The following LRRC8B variants were observed in gnomAD, a reference collection of about 807,000 sequenced individuals.
LRRC8B encodes the protein leucine rich repeat containing 8 VRAC subunit B.
LRRC8B carries 23 observed loss-of-function variants against 58.8 expected under a neutral mutation model. The ratio of observed to expected loss-of-function variants is 0.39; its 90% CI spans 0.28 to 0.55. The LOEUF is 0.55. Among genes scored for constraint, LRRC8B ranks in the 20% least tolerant of loss-of-function variants. The pLI is 0.62. For synonymous variants in LRRC8B, 359 were observed against 374.1 expected, an observed-to-expected ratio of 0.96 and a Z score of 0.47; for missense variants, 694 against 936.0, an observed-to-expected ratio of 0.74 and a Z score of 3.37.
chr1:89,571,242 TG>T (rs1653453583), intron 3 of LRRC8B, among the ~76,000 whole-genome samples: 1 of 152,214 alleles, frequency 6.6e-6, no homozygotes. Flanking sequence ...TTTCTAGTTC[TG>T]TGAAGAATTT....
intron 1 of LRRC8B, among the ~76,000 whole-genome samples, chr1:89,530,591 A>G (rs1341890124): frequency 6.6e-6 from 1 of 152,188 alleles, no homozygotes; most frequent in African/African-American, 2.4e-5. Flanking sequence ...CATCATCCTT[A>G]GCAAATGGAA....
At chr1:89,577,894 T>A (rs1042080221) in intron 3 of LRRC8B, among the ~76,000 whole-genome samples, 12 of 152,188 alleles carry the variant, frequency 7.9e-5, no homozygotes, top group Non-Finnish European at 1.5e-4. Flanking sequence ...CTAATTAGCT[T>A]TTTCTTCAGC....
chr1:89,576,806 A>G (rs907354351), intron 3 of LRRC8B, among the ~76,000 whole-genome samples: 1 of 152,230 alleles, frequency 6.6e-6, no homozygotes, highest in Non-Finnish European at 1.5e-5. Context: ...TGAAAGAACT[A>G]CAAAGGGACA....
chr1:89,593,003 C>T lies in LRRC8B; in HGVS notation c.2372C>T (p.Pro791Leu). 6.2e-7 allele frequency: 1 copy of T among 1,614,146 alleles called. No individual in the cohort carries two copies. Among genetic ancestry groups the T allele is most frequent in the Non-Finnish European group, 8.5e-7 (1 of 1,179,990 alleles). ...AACTTGCTCAATACTCTTCCTCTCC[C>T]TGTAACAGAACGTTTACAGACGTGC... ...EENLLNTLPLPVTERLQTCLD... is the reference protein window; with the variant it reads ...EENLLNTLPLLVTERLQTCLD... The change falls in exon 6 of 6, where the codon CCT becomes CTT. Residue 791 changes from proline (P) to leucine (L), a missense_variant. Pro to Leu is a moderately conservative substitution (Grantham distance 98, BLOSUM62 -3). Coordinates refer to ENST00000330947, the MANE Select transcript of LRRC8B (RefSeq NM_001369817.2).
At chr1:89,566,486 C>T (rs1193551364) in intron 1 of LRRC8B, among the ~76,000 whole-genome samples, 1 of 152,130 alleles carries the variant, frequency 6.6e-6, no homozygotes, top group Non-Finnish European at 1.5e-5. Context: ...TATGATATTC[C>T]AGTGATTCCT....
chr1:89,565,818 G>A (rs1653002335), intron 1 of LRRC8B, among the ~76,000 whole-genome samples: 2 of 152,156 alleles, frequency 1.3e-5, no homozygotes. Context: ...CTAAGGATTT[G>A]ATGCCACTTC....
intron 1 of LRRC8B, among the ~76,000 whole-genome samples, chr1:89,559,896 C>G (rs1251406549): frequency 6.6e-6 from 1 of 152,136 alleles, no homozygotes; most frequent in Non-Finnish European, 1.5e-5. Context: ...TACTCCTTTT[C>G]TAAGGAAACC....
chr1:89,570,730 G>A (rs552483346), intron 3 of LRRC8B, among the ~76,000 whole-genome samples: 3 of 152,072 alleles, frequency 2.0e-5, no homozygotes, highest in Non-Finnish European at 4.4e-5. Flanking sequence ...AGATCCATTT[G>A]TCAATTTTTG....
At chr1:89,580,068 T>C (rs1654111694) in intron 4 of LRRC8B, among the ~76,000 whole-genome samples, 1 of 152,202 alleles carries the variant, frequency 6.6e-6, no homozygotes, top group South Asian at 2.1e-4. Context: ...AAAATGTGAT[T>C]TTCTAAAGCT....
chr1:89,578,514 T>C (rs994115975), intron 3 of LRRC8B, among the ~76,000 whole-genome samples: 7 of 152,348 alleles, frequency 4.6e-5, no homozygotes, highest in African/African-American at 1.4e-4. Flanking sequence ...CTTTCTAACC[T>C]GCAAAACAAT....
intron 1 of LRRC8B, among the ~76,000 whole-genome samples, chr1:89,565,321 G>A (rs533519252): frequency 1.6e-4 from 24 of 152,250 alleles, no homozygotes; most frequent in Non-Finnish European, 2.6e-4. Context: ...AGATATTAAG[G>A]TCATTTTGGA....
intron 1 of LRRC8B, among the ~76,000 whole-genome samples, chr1:89,534,516 C>CAT (rs890670150): frequency 1.7e-4 from 23 of 137,672 alleles, no homozygotes; most frequent in Admixed American, 4.2e-4. Flanking sequence ...TTGTGACATA[C>CAT]ACACACACAC....
intron 4 of LRRC8B, among the ~76,000 whole-genome samples, chr1:89,581,205 G>A (rs868532920): frequency 1.3e-5 from 2 of 151,128 alleles, no homozygotes; most frequent in Admixed American, 6.6e-5. Context: ...AGGCTGAGGC[G>A]GGAGGATTGT....
At chr1:89,534,440 C>G (rs1461690464) in intron 1 of LRRC8B, among the ~76,000 whole-genome samples, 1 of 151,926 alleles carries the variant, frequency 6.6e-6, no homozygotes, top group Non-Finnish European at 1.5e-5. Context: ...CATTTTATTC[C>G]TCTTCTGTAA....
intron 1 of LRRC8B, among the ~76,000 whole-genome samples, chr1:89,551,434 A>G (rs924054859): frequency 1.6e-4 from 25 of 152,210 alleles, no homozygotes; most frequent in Admixed American, 1.6e-3. Context: ...TTTGAGCATT[A>G]TATAGATGTT....
chr1:89,578,929 A>G (rs1654039478), intron 3 of LRRC8B, among the ~76,000 whole-genome samples: 1 of 152,232 alleles, frequency 6.6e-6, no homozygotes, highest in South Asian at 2.1e-4. Context: ...CAAATCTAAT[A>G]TAAAGCCTAA....
At chr1:89,560,247 T>C (rs1652520925) in intron 1 of LRRC8B, among the ~76,000 whole-genome samples, 1 of 152,134 alleles carries the variant, frequency 6.6e-6, no homozygotes, top group Non-Finnish European at 1.5e-5. Flanking sequence ...TCAGTAATGG[T>C]TACTTTCCTT....
intron 1 of LRRC8B, among the ~76,000 whole-genome samples, chr1:89,529,102 T>G (rs1649915645): frequency 6.6e-6 from 1 of 152,210 alleles, no homozygotes; most frequent in African/African-American, 2.4e-5. Flanking sequence ...TTGACTAGTA[T>G]TGTCTTTCTC....
Position 89,584,220 on chromosome 1 carries a change from G to C in LRRC8B, c.1570G>C (p.Glu524Gln), listed in dbSNP as rs751521959. ...ELYLSGCVLP[E>Q]QLSTMQLEGF... The stretch of plus-strand genomic sequence containing the variant: ...TTATCTTTCGGGCTGTGTTCTCCCT[G>C]AACAGTTGAGTACTATGCAGTTGGA... The change falls in exon 5 of 6, where the codon GAA (glutamate) becomes CAA (glutamine). Residue 524 changes from glutamate (E) to glutamine (Q), a missense_variant. Physicochemically the swap from Glu to Gln is conservative, Grantham distance 29. Around this residue, in one of 5 missense-constraint regions of LRRC8B, gnomAD observed 162 missense variants for 198.5 expected, o/e 0.82. Transcript: ENST00000330947. The C allele has an allele frequency of 4.3e-6, 7 of 1,611,716 alleles. No individual in the cohort carries two copies. The African/African-American group carries it at 9.3e-5, about 22-fold the overall frequency.
Sources: gnomAD v4.1 joint callset for allele counts (sites outside exome capture counted in the v4.1 genomes callset) on GRCh38, gnomAD v4.1.1 for gene constraint, gnomAD v4.1.1 regional missense constraint, MANE v1.5 for transcripts, NCBI Gene and HGNC (gene_info 2026-07-23, HGNC 2026-07-21) for gene names.